The following EPHX1 variants were observed in gnomAD, a reference collection of about 807,000 sequenced individuals.
The protein encoded by EPHX1 is epoxide hydrolase 1, also known as epoxide hydratase.
Under a neutral mutation model 43.2 loss-of-function variants are expected in EPHX1, and 40 were observed. The ratio of observed to expected loss-of-function variants is 0.93; its 90% CI spans 0.72 to 1.21. The LOEUF is 1.21. Ranked by LOEUF, EPHX1 falls within the 50% of genes most tolerant of loss-of-function variation. The probability of loss-of-function intolerance (pLI) is 0.00; values close to 1 mark genes in which losing one functional copy is unlikely to be tolerated. For missense variants in EPHX1, 550 were observed against 570.4 expected (o/e 0.96, Z 0.36); for synonymous variants, 221 against 226.7 (o/e 0.98, Z 0.22).
intron 1 of EPHX1, among the ~76,000 whole-genome samples, chr1:225,824,208 CTTA>C (rs1368091400): frequency 6.6e-5 from 10 of 150,918 alleles, no homozygotes; most frequent in South Asian, 2.1e-4. Context: ...GGTGTTGTTT[CTTA>C]TTATTACATT....
intron 1 of EPHX1, among the ~76,000 whole-genome samples, chr1:225,826,447 CAAA>C (rs374232833): frequency 1.3e-4 from 11 of 84,170 alleles, no homozygotes; most frequent in Admixed American, 2.8e-4. Flanking sequence ...GACTCTGTCT[CAAA>C]AAAAAAAAAA....
At position 225,834,361 on chromosome 1, in the gene EPHX1, C is replaced by T. The variant is rs1381093496; in HGVS notation, c.364+2402C>T. On this transcript the variant is annotated intron_variant, in intron 3 of 8. Transcript: ENST00000272167. ...CGGAGGTTGCAGTGAGCCGAGATCGCGCCACTGCACTCCAGCCTGGCAACA... is the reference window on the plus strand; with the variant it reads ...CGGAGGTTGCAGTGAGCCGAGATCGTGCCACTGCACTCCAGCCTGGCAACA... 3.3e-5 allele frequency among the ~76,000 whole-genome samples: 5 copies of T among 151,808 alleles called. No individual in the cohort carries two copies. In the East Asian group the frequency reaches 5.8e-4, roughly 18 times the overall value.
At position 225,817,745 on chromosome 1, in the gene EPHX1, C is replaced by A. The variant is rs1374939759; in HGVS notation, c.-6+7576C>A. 2.6e-5 allele frequency among the ~76,000 whole-genome samples: 4 copies of A among 152,246 alleles called. No individual in the cohort carries two copies. The highest frequency in any genetic ancestry group is 5.9e-5 in the Non-Finnish European group (4 of 68,038). The stretch of plus-strand genomic sequence containing the variant: ...CACAGTCAGAGCCAGGCCTGCCCAA[C>A]TGTCGCAGGGCTGGGTCCACCTCAT... On this transcript the variant is annotated intron_variant, in intron 1 of 8. Coordinates refer to ENST00000272167, the MANE Select transcript of EPHX1 (RefSeq NM_001136018.4). This position sits in a 1 kb window ranked among gnomAD's most constrained non-coding sequence, Gnocchi z 5.7.
At chr1:225,840,136 A>T in intron 6 of EPHX1, 99 bp downstream of exon 6, 1 of 1,148,204 alleles carries the variant, frequency 8.7e-7, no homozygotes, top group Non-Finnish European at 1.3e-6. Context: ...CTGCCCACAG[A>T]AGGAAGCCTC....
rs1279625137 is a variant in EPHX1, at chr1:225,828,906, GATCC to G, written c.179_182del (p.Ile60ThrfsTer30). ...TCAAGGTGGAAACGTCAGATGAGGAGATCCACGTAAGGCACCTTGGGCCGGGCCG... is the reference window on the plus strand; with the variant it reads ...TCAAGGTGGAAACGTCAGATGAGGAGACGTAAGGCACCTTGGGCCGGGCCG... On this transcript the variant is annotated frameshift_variant and splice_region_variant, in exon 2 of 9. Coordinates refer to ENST00000272167, the MANE Select transcript of EPHX1 (RefSeq NM_001136018.4). LOFTEE classifies it high-confidence loss of function. 2 of 1,574,336 alleles carry G rather than the reference GATCC, an allele frequency of 1.3e-6. No homozygotes were observed. The highest frequency in any genetic ancestry group is 1.7e-6 in the Non-Finnish European group (2 of 1,157,272).
At position 225,817,124 on chromosome 1, in the gene EPHX1, C is replaced by T. The variant is rs1182256659; in HGVS notation, c.-6+6955C>T. Reference sequence around the variant, plus strand: ...TCCGGCGCTTGCACAGAGATAAACACGGCCATTGGCCTGGTGCACAATCCC... The same window carrying T: ...TCCGGCGCTTGCACAGAGATAAACATGGCCATTGGCCTGGTGCACAATCCC... On this transcript the variant is annotated intron_variant, in intron 1 of 8. Coordinates refer to ENST00000272167, the MANE Select transcript of EPHX1 (RefSeq NM_001136018.4). This position sits in a 1 kb window ranked among gnomAD's most constrained non-coding sequence, Gnocchi z 5.7. Among the ~76,000 whole-genome samples, 3 of 152,202 alleles carry T rather than the reference C, an allele frequency of 2.0e-5. No homozygotes were observed. The highest frequency in any genetic ancestry group is 6.5e-5 in the Admixed American group (1 of 15,282).
chr1:225,831,062 T>C (rs1168738392), intron 2 of EPHX1, among the ~76,000 whole-genome samples: 1 of 152,128 alleles, frequency 6.6e-6, no homozygotes, highest in Non-Finnish European at 1.5e-5. Context: ...AAATAAAGTT[T>C]TATTGGAACA....
Position 225,844,636 on chromosome 1 carries a change from G to A in EPHX1, c.1166+13G>A. 1 of 1,613,756 alleles carries A rather than the reference G, an allele frequency of 6.2e-7. No homozygotes were observed. Among genetic ancestry groups the A allele is most frequent in the Non-Finnish European group, 8.5e-7 (1 of 1,179,980 alleles). ...AGAAGCATGAGCGGTGAGCCTGGCT[G>A]AGCCGAGAACAGGGGCCTCTGAGGC... is the stretch of plus-strand genomic sequence containing the variant. On this transcript the variant is annotated intron_variant, in intron 8 of 8. Transcript: ENST00000272167.
At chr1:225,836,227 C>T (rs1291407826) in intron 3 of EPHX1, among the ~76,000 whole-genome samples, 2 of 152,044 alleles carry the variant, frequency 1.3e-5, no homozygotes, top group African/African-American at 4.8e-5. Context: ...AAATGGATAT[C>T]AGGGGAAAAA....
At chr1:225,842,041 G>A (rs1042661180) in intron 6 of EPHX1, among the ~76,000 whole-genome samples, 2 of 152,156 alleles carry the variant, frequency 1.3e-5, no homozygotes, top group South Asian at 4.1e-4. Flanking sequence ...GAAAAACCCC[G>A]CCTTTTTAAA....
intron 3 of EPHX1, among the ~76,000 whole-genome samples, chr1:225,834,064 C>T (rs1213998725): frequency 1.4e-5 from 2 of 141,872 alleles, no homozygotes; most frequent in Non-Finnish European, 3.0e-5. Flanking sequence ...CGCCACTGCA[C>T]TCCAGCCTGG....
chr1:225,812,393 C>T (rs1258177863), intron 1 of EPHX1, among the ~76,000 whole-genome samples: 3 of 152,212 alleles, frequency 2.0e-5, no homozygotes, highest in African/African-American at 2.4e-5. Context: ...CATGGACTTA[C>T]GCGGCTGGGA....
In EPHX1 at chr1:225,845,186, T is replaced by C; in HGVS notation, c.1207T>C (p.Phe403Leu). ...GCCCACTGGCTTCTCTGCCTTCCCT[T>C]TTGAGCTATTGCACACGCCTGAAAA... ...YVPTGFSAFPFELLHTPEKWV... is the reference protein window; with the variant it reads ...YVPTGFSAFPLELLHTPEKWV... The change falls in exon 9 of 9, where the codon TTT (phenylalanine) becomes CTT (leucine). Residue 403 changes from phenylalanine (F) to leucine (L), a missense_variant. By Grantham distance (22) the Phe-to-Leu change is conservative. Transcript: ENST00000272167. The C allele has an allele frequency of 1.2e-6, 2 of 1,614,102 alleles. No individual in the cohort carries two copies. The highest frequency in any genetic ancestry group is 1.7e-6 in the Non-Finnish European group (2 of 1,180,018).
At chr1:225,829,371 G>A (rs558861480) in intron 2 of EPHX1, among the ~76,000 whole-genome samples, 9 of 152,182 alleles carry the variant, frequency 5.9e-5, no homozygotes, top group Admixed American at 1.3e-4. Flanking sequence ...GTGATCCCGC[G>A]GGGTGAGGAT....
Position 225,828,269 on chromosome 1 carries a change from G to T in EPHX1, c.-5-456G>T, listed in dbSNP as rs557999395. 2.6e-5 allele frequency among the ~76,000 whole-genome samples: 4 copies of T among 152,020 alleles called. No homozygotes were observed. The South Asian group carries it at 8.3e-4, about 32-fold the overall frequency. On this transcript the variant is annotated intron_variant, in intron 1 of 8. Transcript: ENST00000272167. ...TGAGGCAGGAGAATGGTGGGAACCT[G>T]GGAGGCAAAGGTTGCAATGAGCTGA...
intron 1 of EPHX1, among the ~76,000 whole-genome samples, chr1:225,818,055 GTCT>G (rs1177807704): frequency 6.6e-6 from 1 of 152,150 alleles, no homozygotes; most frequent in Non-Finnish European, 1.5e-5. Flanking sequence ...TGGTTCTCCA[GTCT>G]TCTTTGGGGT....
Position 225,845,353 on chromosome 1 carries a change from C to G in EPHX1, c.*6C>G, listed in dbSNP as rs1308279614. ...CGGTGCTGGAGCGGCAATGACCCAC[C>G]CCTCTCCCCCCGCCTGCCACCTCCC... On this transcript the variant is annotated 3_prime_UTR_variant, in exon 9 of 9. Transcript: ENST00000272167. 1 of 1,589,842 alleles carries G rather than the reference C, an allele frequency of 6.3e-7. No homozygotes were observed. The highest frequency in any genetic ancestry group is 2.3e-5 in the East Asian group (1 of 44,246).
chr1:225,842,056 G>A (rs1185266654), intron 6 of EPHX1, among the ~76,000 whole-genome samples: 1 of 152,254 alleles, frequency 6.6e-6, no homozygotes, highest in African/African-American at 2.4e-5. Context: ...TTTAAAAACA[G>A]CACTTCTCAT....
chr1:225,823,429 G>A (rs1046996515), intron 1 of EPHX1, among the ~76,000 whole-genome samples: 4 of 152,174 alleles, frequency 2.6e-5, no homozygotes, highest in Non-Finnish European at 4.4e-5. Context: ...GGGAGTCTCC[G>A]GGAAACCCAG....
Sources: allele counts gnomAD v4.1 joint callset (sites outside exome capture counted in the v4.1 genomes callset), GRCh38; gene constraint gnomAD v4.1.1; non-coding constraint Gnocchi (gnomAD v3.1); transcripts MANE v1.5; gene names NCBI Gene and HGNC (gene_info 2026-07-23, HGNC 2026-07-21).